TSPAN9: variants seen among roughly 807,000 people sequenced by gnomAD.
TSPAN9 encodes tetraspanin 9, also known as tetraspanin-9.
A neutral mutation model predicts 31.0 loss-of-function variants in TSPAN9; 16 were observed. That is an observed-to-expected ratio of 0.52 (90% confidence interval 0.35 to 0.78). The LOEUF (loss-of-function observed/expected upper bound fraction) is 0.78. Among genes scored for constraint, TSPAN9 ranks in the 30% least tolerant of loss-of-function variants. TSPAN9 has a pLI of 0.01. For missense variants in TSPAN9, 272 were observed against 312.5 expected (o/e 0.87, Z 0.98); for synonymous variants, 145 against 121.6 (o/e 1.19, Z -1.27).
chr12:3,136,543 G>A (rs1226998173), intron 2 of TSPAN9, among the ~76,000 whole-genome samples: 4 of 152,180 alleles, frequency 2.6e-5, no homozygotes, highest in Non-Finnish European at 5.9e-5. Flanking sequence ...ACCAAACCCT[G>A]TCATTAGATT....
At chr12:3,183,108 C>T (rs1229436137) in intron 2 of TSPAN9, among the ~76,000 whole-genome samples, 2 of 152,216 alleles carry the variant, frequency 1.3e-5, no homozygotes, top group East Asian at 1.9e-4. Flanking sequence ...GGAGCACCCG[C>T]GGTGGCCAAG....
At chr12:3,199,995 T>A (rs1189271303) in intron 2 of TSPAN9, 1 of 152,354 alleles carries the variant, frequency 6.6e-6, no homozygotes, top group African/African-American at 2.4e-5. Context: ...CCTCCAGTCC[T>A]TCTCCCCAGA....
intron 2 of TSPAN9, among the ~76,000 whole-genome samples, chr12:3,176,009 C>CA (rs2153970739): frequency 6.6e-6 from 1 of 152,322 alleles, no homozygotes; most frequent in African/African-American, 2.4e-5. Flanking sequence ...TCCAAGCTCT[C>CA]AGAGGGTCTG....
At position 3,208,996 on chromosome 12, in the gene TSPAN9, G is replaced by A. The variant is rs537606001; in HGVS notation, c.63+7740G>A. Among the ~76,000 whole-genome samples the A allele has an allele frequency of 3.9e-5, 6 of 152,296 alleles. No homozygotes were observed. In the South Asian group the frequency reaches 1.2e-3, roughly 32 times the overall value. Reference sequence around the variant, plus strand: ...TCATGCCTGTAATCCTAGCACTTTGGGAGGCCAAGGTGGGTGGATCACGAG... The same window carrying A: ...TCATGCCTGTAATCCTAGCACTTTGAGAGGCCAAGGTGGGTGGATCACGAG... On this transcript the variant is annotated intron_variant, in intron 3 of 8. Transcript: ENST00000011898.
intron 3 of TSPAN9, among the ~76,000 whole-genome samples, chr12:3,274,439 C>G (rs994630275): frequency 6.6e-6 from 1 of 152,128 alleles, no homozygotes; most frequent in African/African-American, 2.4e-5. Flanking sequence ...TCAGGCAGCT[C>G]TATGCAGGCT....
intron 2 of TSPAN9, among the ~76,000 whole-genome samples, chr12:3,135,622 G>T (rs1304232429): frequency 6.6e-6 from 1 of 152,114 alleles, no homozygotes; most frequent in Non-Finnish European, 1.5e-5. Flanking sequence ...GCTTGTTGCT[G>T]TTCTTACTGA....
chr12:3,116,768 C>T (rs994974144), intron 2 of TSPAN9, among the ~76,000 whole-genome samples: 2 of 152,196 alleles, frequency 1.3e-5, no homozygotes, highest in Admixed American at 6.5e-5. Flanking sequence ...CCTGCCCTGT[C>T]GTCCGCATGA....
chr12:3,240,520 G>T (rs758157330), intron 3 of TSPAN9, among the ~76,000 whole-genome samples: 1 of 152,158 alleles, frequency 6.6e-6, no homozygotes, highest in African/African-American at 2.4e-5. Context: ...TGACGTGCTC[G>T]AGCTCACACA....
At chr12:3,259,306 AC>A (rs1190846289) in intron 3 of TSPAN9, among the ~76,000 whole-genome samples, 3 of 152,154 alleles carry the variant, frequency 2.0e-5, no homozygotes, top group African/African-American at 7.2e-5. Flanking sequence ...GTACCCTGCT[AC>A]CACTCCCAGG....
At chr12:3,181,661 A>G (rs1313797616) in intron 2 of TSPAN9, among the ~76,000 whole-genome samples, 1 of 152,162 alleles carries the variant, frequency 6.6e-6, no homozygotes, top group Non-Finnish European at 1.5e-5. Flanking sequence ...CATGAAGCTC[A>G]TGGGGTTAAG....
At chr12:3,232,072 CA>C (rs1161543453) in intron 3 of TSPAN9, among the ~76,000 whole-genome samples, 1 of 152,346 alleles carries the variant, frequency 6.6e-6, no homozygotes, top group East Asian at 1.9e-4. Context: ...TTAGGAACTG[CA>C]GTCCTGGATT....
At chr12:3,163,517 T>C (rs558937598) in intron 2 of TSPAN9, among the ~76,000 whole-genome samples, 2 of 152,178 alleles carry the variant, frequency 1.3e-5, no homozygotes, top group Non-Finnish European at 2.9e-5. Flanking sequence ...TTCATAGACC[T>C]TTGCCACTCA....
At chr12:3,096,365 C>T (rs1000643386) in intron 2 of TSPAN9, among the ~76,000 whole-genome samples, 2 of 152,108 alleles carry the variant, frequency 1.3e-5, no homozygotes, top group African/African-American at 4.8e-5. Flanking sequence ...ACTTCTGCGG[C>T]CTCACTGGCA....
At chr12:3,140,156 T>TG (rs5796037) in intron 2 of TSPAN9, among the ~76,000 whole-genome samples, 148,516 of 152,216 alleles carry the variant, frequency 0.98, 72,568 homozygotes, top group South Asian at 1. Context: ...GGACCTGGGC[T>TG]ATCTGTAAGG....
chr12:3,080,103 T>G (rs78782481), intron 1 of TSPAN9, among the ~76,000 whole-genome samples: 1,882 of 152,200 alleles, frequency 0.012, 32 homozygotes, highest in African/African-American at 0.032. Context: ...TCCTCTATGT[T>G]GAGCCTTGTC....
At chr12:3,109,299 T>TGTGTGTGTGTGAGAGAGAGAGA (rs1274383200) in intron 2 of TSPAN9, among the ~76,000 whole-genome samples, 6 of 118,298 alleles carry the variant, frequency 5.1e-5, no homozygotes, top group African/African-American at 1.4e-4. Context: ...TGTGTGTGTG[T>TGTGTGTGTGTGAGAGAGAGAGA]GAGAGAGAGT....
At chr12:3,245,642 C>T (rs1202988059) in intron 3 of TSPAN9, among the ~76,000 whole-genome samples, 2 of 152,164 alleles carry the variant, frequency 1.3e-5, no homozygotes. Context: ...ATCAGAGCCA[C>T]CAAAACAGTC....
rs1405687731 is a variant in TSPAN9, at chr12:3,211,945, C to T, written c.63+10689C>T. 2.6e-5 allele frequency: 31 copies of T among 1,207,666 alleles called. No individual in the cohort carries two copies. The Admixed American group carries it at 2.7e-4, about 11-fold the overall frequency. 74.8% of individuals were successfully genotyped at this position (1,207,666 alleles called of 1,614,324 possible). A position where few individuals can be genotyped will look rare whatever the true frequency, so the allele number is the denominator to read the frequency against. On this transcript the variant is annotated intron_variant, in intron 3 of 8. Transcript: ENST00000011898. ...TCTCGTGTGCGTAGGTCGTCACCACCGGAAAGCAAAATTGCTGTCTTTGTA... is the reference window on the plus strand; with the variant it reads ...TCTCGTGTGCGTAGGTCGTCACCACTGGAAAGCAAAATTGCTGTCTTTGTA...
Position 3,160,834 on chromosome 12 carries a change from A to T in TSPAN9, c.-17-40343A>T, listed in dbSNP as rs570911519. 3.3e-5 allele frequency among the ~76,000 whole-genome samples: 5 copies of T among 152,224 alleles called. No individual in the cohort carries two copies. In the South Asian group the frequency reaches 1.0e-3, roughly 32 times the overall value. On this transcript the variant is annotated intron_variant, in intron 2 of 8. Transcript: ENST00000011898. ...TAAGAATTCTTTACATATTCTGGTT[A>T]TAAGCCCCTTAATCAATATATGATT...
Sources: allele counts gnomAD v4.1 joint callset (sites outside exome capture counted in the v4.1 genomes callset), GRCh38; gene constraint gnomAD v4.1.1; transcripts MANE v1.5; gene names NCBI Gene and HGNC (gene_info 2026-07-23, HGNC 2026-07-21).